BTAF1: variants seen among roughly 807,000 people sequenced by gnomAD.
BTAF1 encodes B-TFIID TATA-box binding protein associated factor 1.
BTAF1 carries 38 observed loss-of-function variants against 227.1 expected under a neutral mutation model. The observed-to-expected ratio is 0.17, with a 90% CI of 0.13 to 0.22. The LOEUF (loss-of-function observed/expected upper bound fraction) is 0.22. Ranked by LOEUF, BTAF1 falls within the 10% of genes least tolerant of loss-of-function variation. The pLI, the probability that BTAF1 is intolerant of heterozygous loss-of-function variation, is 1.00. For synonymous variants in BTAF1, 742 were observed against 751.9 expected, an observed-to-expected ratio of 0.99 and a Z score of 0.21; for missense variants, 1,598 against 2,204.0, an observed-to-expected ratio of 0.73 and a Z score of 5.51.
In BTAF1 at chr10:92,018,845, A is replaced by G. The variant is rs779703903; in HGVS notation, c.4773A>G (p.Pro1591=). Residue 1591 remains proline, a synonymous_variant, in exon 34 of 38, where the codon CCA becomes CCG. Coordinates refer to ENST00000265990, the MANE Select transcript of BTAF1 (RefSeq NM_003972.3). ...HPALVLTPQH[P]EFKTTAEKLA... The stretch of plus-strand genomic sequence containing the variant: ...CATTAGTCTTAACACCTCAACATCC[A>G]GAATTCAAGACCACTGCCGAAAAAC... 17 of 1,611,648 alleles carry G rather than the reference A, an allele frequency of 1.1e-5. No homozygotes were observed. In the African/African-American group the frequency reaches 2.1e-4, roughly 20 times the overall value.
At chr10:91,977,540 A>G (rs1481392423) in intron 14 of BTAF1, among the ~76,000 whole-genome samples, 5 of 152,220 alleles carry the variant, frequency 3.3e-5, no homozygotes, top group East Asian at 1.9e-4. Flanking sequence ...TAAAGCTGCT[A>G]TAAACATCTT....
In BTAF1 at chr10:92,016,483, C is replaced by CTTTTT; in HGVS notation, c.4710+27_4710+31dup. Reference sequence around the variant, plus strand: ...TATTCCAGGTATAGATTACATTCTACTTTTTTTTTTTTTGAGATGGAATTT... The same window carrying CTTTTT: ...TATTCCAGGTATAGATTACATTCTACTTTTTTTTTTTTTTTTTTGAGATGGAATTT... On this transcript the variant is annotated intron_variant, in intron 33 of 37. Transcript: ENST00000265990. 2 of 1,338,198 alleles carry CTTTTT rather than the reference C, an allele frequency of 1.5e-6. No individual in the cohort carries two copies. The highest frequency in any genetic ancestry group is 2.9e-5 in the Admixed American group (1 of 34,932). 82.9% of individuals were successfully genotyped at this position (1,338,198 alleles called of 1,614,324 possible).
At chr10:91,955,166 A>G (rs17107237) in intron 6 of BTAF1, among the ~76,000 whole-genome samples, 2,053 of 152,336 alleles carry the variant, frequency 0.013, 48 homozygotes, top group African/African-American at 0.045. Flanking sequence ...ACAGCTCATT[A>G]AGATCATATA....
In BTAF1 at chr10:91,946,870, C is replaced by T. The variant is rs151095651; in HGVS notation, c.400+4302C>T. Among the ~76,000 whole-genome samples, 636 of 150,040 alleles carry T rather than the reference C, an allele frequency of 4.2e-3. 3 individuals carry two copies. Among genetic ancestry groups the T allele is most frequent in the African/African-American group, 0.014 (561 of 40,794 alleles). On this transcript the variant is annotated intron_variant, in intron 4 of 37. Transcript: ENST00000265990. ...CTTTTTTTTTTTTGAGACAGAGTCT[C>T]ACTCCATTACCCAGGCTGTAGTGCA...
Position 91,994,567 on chromosome 10 carries a change from C to G in BTAF1, c.3232C>G (p.Pro1078Ala), listed in dbSNP as rs767431217. 3.7e-6 allele frequency: 6 copies of G among 1,613,666 alleles called. No homozygotes were observed. The Admixed American group carries it at 6.7e-5, about 18-fold the overall frequency. The change falls in exon 23 of 38, where the codon CCT (proline) becomes GCT (alanine). Residue 1078 changes from proline (P) to alanine (A), a missense_variant. This residue lies in a region of BTAF1 where 425 missense variants were observed against 491.2 expected (regional missense o/e 0.87). Coordinates refer to ENST00000265990, the MANE Select transcript of BTAF1 (RefSeq NM_003972.3). ...GKSLLDKGDS[P>A]AQELVNSLQV... is the part of the protein sequence containing the mutation. ...ATCCCTCCTGGATAAGGGAGATAGC[C>G]CTGCTCAAGAATTGGTGAATTCTCT...
intron 35 of BTAF1, 34 bp downstream of exon 35, chr10:92,025,001 A>C: frequency 2.6e-6 from 4 of 1,552,182 alleles, no homozygotes; most frequent in Non-Finnish European, 3.5e-6. Context: ...TTCATAAATA[A>C]ATATATTATT....
intron 4 of BTAF1, among the ~76,000 whole-genome samples, chr10:91,950,751 G>GT (rs556137345): frequency 6.6e-5 from 10 of 150,916 alleles, no homozygotes; most frequent in South Asian, 2.1e-4. Flanking sequence ...AAATCTAGAT[G>GT]TTTTTTTAGC....
chr10:92,001,845 G>A (rs1273519266), intron 25 of BTAF1, among the ~76,000 whole-genome samples: 2 of 149,736 alleles, frequency 1.3e-5, no homozygotes, highest in Admixed American at 1.3e-4. Context: ...GAGTGCAGTA[G>A]TTCACCTCTG....
At chr10:91,937,010 T>C (rs1360541020) in intron 2 of BTAF1, among the ~76,000 whole-genome samples, 1 of 138,240 alleles carries the variant, frequency 7.2e-6, no homozygotes, top group East Asian at 2.1e-4. Flanking sequence ...TGGTTTTGTT[T>C]TCTTTTTTTT....
Position 91,950,150 on chromosome 10 carries a change from G to T in BTAF1, c.401-1253G>T, listed in dbSNP as rs199973098. Reference sequence around the variant, plus strand: ...AGAGTGAGAGACCTTGTCCTTTGTGGGGGGGGGCGGGAAAGAAGACTAGGT... The same window carrying T: ...AGAGTGAGAGACCTTGTCCTTTGTGTGGGGGGGCGGGAAAGAAGACTAGGT... On this transcript the variant is annotated intron_variant, in intron 4 of 37. Transcript: ENST00000265990. Among the ~76,000 whole-genome samples the T allele has an allele frequency of 2.0e-3, 60 of 30,036 alleles. 16 individuals are homozygous for T. Among genetic ancestry groups the T allele is most frequent in the East Asian group, 8.2e-3 (3 of 368 alleles). The allele number at this position is 30,036 out of a possible 152,430, so 19.7% of individuals were successfully genotyped here.
intron 29 of BTAF1, 54 bp downstream of exon 29, chr10:92,011,204 A>G (rs1208076758): frequency 4.3e-5 from 66 of 1,519,822 alleles, no homozygotes; most frequent in Non-Finnish European, 5.8e-5. Context: ...AAGACTCTTA[A>G]TATTTTCCCA....
chr10:92,024,093 A>G (rs1851322259), intron 34 of BTAF1, among the ~76,000 whole-genome samples: 1 of 152,238 alleles, frequency 6.6e-6, no homozygotes, highest in Non-Finnish European at 1.5e-5. Context: ...CAAGGCACCG[A>G]ACCACTTTAG....
chr10:91,966,564 A>C, intron 13 of BTAF1, 73 bp from the exon 14 acceptor site: 1 of 1,502,740 alleles, frequency 6.7e-7, no homozygotes, highest in Non-Finnish European at 9.1e-7. Flanking sequence ...AGATCCCATG[A>C]GAATATTTAG....
chr10:91,987,202 G>A (rs1848459123), intron 19 of BTAF1, among the ~76,000 whole-genome samples: 1 of 149,108 alleles, frequency 6.7e-6, no homozygotes. Context: ...CATGTGTTTA[G>A]GCCGGGCGCA....
At chr10:91,945,784 C>T (rs1845323429) in intron 4 of BTAF1, among the ~76,000 whole-genome samples, 1 of 152,150 alleles carries the variant, frequency 6.6e-6, no homozygotes, top group Non-Finnish European at 1.5e-5. Flanking sequence ...GCTTTCAGTT[C>T]TTTGGGGTAT....
At chr10:92,002,818 T>A in intron 25 of BTAF1, among the ~76,000 whole-genome samples, 1 of 152,170 alleles carries the variant, frequency 6.6e-6, no homozygotes, top group East Asian at 1.9e-4. Flanking sequence ...ACAGTAGTTC[T>A]CAAATTTTTT....
chr10:91,950,150 G>C (rs199973098), intron 4 of BTAF1, among the ~76,000 whole-genome samples: 2 of 30,058 alleles, frequency 6.7e-5, no homozygotes, highest in African/African-American at 1.1e-4. Flanking sequence ...GTCCTTTGTG[G>C]GGGGGGGCGG....
chr10:91,991,271 A>AAATATATATATATATATAT (rs1564699928), intron 20 of BTAF1, among the ~76,000 whole-genome samples: 2 of 66,222 alleles, frequency 3.0e-5, no homozygotes, highest in Non-Finnish European at 7.5e-5. Flanking sequence ...TATAAATATA[A>AAATATATATATATATATAT]ATATATATAT....
chr10:91,976,243 C>T (rs1183361768), intron 14 of BTAF1, among the ~76,000 whole-genome samples: 2 of 152,286 alleles, frequency 1.3e-5, no homozygotes, highest in Non-Finnish European at 1.5e-5. Flanking sequence ...GGATGAGGTA[C>T]GTGGAGCTTC....
Sources: allele counts gnomAD v4.1 joint callset (sites outside exome capture counted in the v4.1 genomes callset), GRCh38; gene constraint gnomAD v4.1.1; regional missense constraint gnomAD v4.1.1; transcripts MANE v1.5; gene names NCBI Gene and HGNC (gene_info 2026-07-23, HGNC 2026-07-21).